The following CYTH1 variants were observed in gnomAD, a reference collection of about 807,000 sequenced individuals.
CYTH1 encodes the protein cytohesin-1.
In CYTH1, 18 loss-of-function variants were observed where a neutral mutation model predicts 61.8. The ratio of observed to expected loss-of-function variants is 0.29; its 90% confidence interval spans 0.20 to 0.43. CYTH1 has a LOEUF of 0.43. CYTH1 is among the 20% of genes least tolerant of loss of function. CYTH1 has a pLI of 1.00. For missense variants in CYTH1, 336 were observed against 510.5 expected, an observed-to-expected ratio of 0.66 and a Z score of 3.29; for synonymous variants, 174 against 184.3, an observed-to-expected ratio of 0.94 and a Z score of 0.45.
At chr17:78,736,451 C>G (rs1369458993) in intron 1 of CYTH1, among the ~76,000 whole-genome samples, 2 of 151,932 alleles carry the variant, frequency 1.3e-5, no homozygotes, top group Non-Finnish European at 2.9e-5. Flanking sequence ...CACACACACA[C>G]ATACACACAC....
At chr17:78,766,586 C>T (rs1363993480) in intron 1 of CYTH1, among the ~76,000 whole-genome samples, 2 of 152,116 alleles carry the variant, frequency 1.3e-5, no homozygotes, top group African/African-American at 4.8e-5. Context: ...CAAATTTCAA[C>T]CCTAAGATTA....
intron 9 of CYTH1, chr17:78,696,579 G>C (rs941498017): frequency 2.0e-5 from 3 of 152,632 alleles, no homozygotes; most frequent in African/African-American, 7.2e-5. Flanking sequence ...GTGATACTAA[G>C]TGTGCTACAA....
intron 1 of CYTH1, among the ~76,000 whole-genome samples, chr17:78,721,156 C>A (rs1042895421): frequency 1.3e-5 from 2 of 152,030 alleles, no homozygotes; most frequent in African/African-American, 4.8e-5. Flanking sequence ...GTGGTGAAAC[C>A]CTGTCTCTAC....
intron 11 of CYTH1, among the ~76,000 whole-genome samples, chr17:78,686,765 TTTAAG>T (rs946630170): frequency 2.0e-5 from 3 of 152,160 alleles, no homozygotes; most frequent in African/African-American, 7.2e-5. Context: ...ATTACATTTT[TTTAAG>T]TTAATTAATT....
chr17:78,782,059 T>G, intron 1 of CYTH1, 143 bp downstream of exon 1: 1 of 660,210 alleles, frequency 1.5e-6, no homozygotes, highest in Non-Finnish European at 2.0e-6. Flanking sequence ...CGCGCACCGC[T>G]CGCCCGCCGG....
In CYTH1 at chr17:78,741,359, A is replaced by G. The variant is rs542248641; in HGVS notation, c.23-31627T>C. Reference sequence around the variant, plus strand: ...AGACCAACCTGGGCAACAAAGCAAGATCCTATTTCTACAAAAAAATTAAAT... The same window carrying G: ...AGACCAACCTGGGCAACAAAGCAAGGTCCTATTTCTACAAAAAAATTAAAT... On this transcript the variant is annotated intron_variant, in intron 1 of 13. Transcript: ENST00000446868. Among the ~76,000 whole-genome samples the G allele has an allele frequency of 7.8e-4, 119 of 152,320 alleles. 1 individual carries two copies. The highest frequency in any genetic ancestry group is 1.5e-3 in the Non-Finnish European group (99 of 68,034).
In CYTH1 at chr17:78,774,817, G is replaced by T. The variant is rs144226703; in HGVS notation, c.22+7385C>A. On this transcript the variant is annotated intron_variant, in intron 1 of 13. Transcript: ENST00000446868. ...TATCCAGAGTCTTTGGTCACAAACC[G>T]TAATACATACATGTGAAATGTTCCC... Among the ~76,000 whole-genome samples the T allele has an allele frequency of 3.6e-3, 546 of 152,228 alleles. 1 individual carries two copies. Among genetic ancestry groups the T allele is most frequent in the Non-Finnish European group, 6.9e-3 (468 of 68,018 alleles).
At chr17:78,695,364 T>C (rs569027469) in intron 10 of CYTH1, among the ~76,000 whole-genome samples, 3 of 151,892 alleles carry the variant, frequency 2.0e-5, no homozygotes, top group African/African-American at 7.2e-5. Flanking sequence ...TCAGGGAGGG[T>C]TTTTTGGTTT....
chr17:78,770,043 G>A (rs1447459746), intron 1 of CYTH1, among the ~76,000 whole-genome samples: 8 of 151,938 alleles, frequency 5.3e-5, no homozygotes, highest in South Asian at 2.1e-4. Flanking sequence ...CTAGTTACTC[G>A]GGAAGCTGAG....
rs1289937351 is a variant in CYTH1 at position 78,770,319 on chromosome 17, C to T, written c.22+11883G>A. 9.6e-4 allele frequency among the ~76,000 whole-genome samples: 94 copies of T among 98,106 alleles called. 1 individual carries two copies. The highest frequency in any genetic ancestry group is 2.6e-4 in the Non-Finnish European group (13 of 50,462). 64.4% of individuals were successfully genotyped at this position (98,106 alleles called of 152,430 possible). A position where few individuals can be genotyped will look rare whatever the true frequency, so the allele number is the denominator to read the frequency against. On this transcript the variant is annotated intron_variant, in intron 1 of 13. Transcript: ENST00000446868. Reference sequence around the variant, plus strand: ...GCCTGGGCAACAAGAGCAAAATTCCCATCTCCAAAAAAAAAAAAAAGAAAA... The same window carrying T: ...GCCTGGGCAACAAGAGCAAAATTCCTATCTCCAAAAAAAAAAAAAAGAAAA...
chr17:78,691,081 T>C (rs1354801096), intron 11 of CYTH1, among the ~76,000 whole-genome samples: 1 of 152,218 alleles, frequency 6.6e-6, no homozygotes, highest in Non-Finnish European at 1.5e-5. Context: ...TTTTTATTAT[T>C]TTGCAGATAT....
intron 5 of CYTH1, 22 bp downstream of exon 5, chr17:78,702,100 C>T (rs201695858): frequency 1.0e-5 from 16 of 1,553,234 alleles, no homozygotes; most frequent in African/African-American, 2.7e-5. Flanking sequence ...CCCTAGCATG[C>T]GCATAATCCC....
chr17:78,679,392 C>T (rs1160051980), intron 13 of CYTH1, among the ~76,000 whole-genome samples: 2 of 150,058 alleles, frequency 1.3e-5, no homozygotes, highest in Non-Finnish European at 3.0e-5. Context: ...ATGCTCACTG[C>T]TGACCCTCGC....
intron 1 of CYTH1, among the ~76,000 whole-genome samples, chr17:78,718,693 T>C (rs1264715208): frequency 6.6e-6 from 1 of 152,214 alleles, no homozygotes; most frequent in African/African-American, 2.4e-5. Context: ...AACTCAGGCT[T>C]TGGAGACATA....
chr17:78,727,540 A>C (rs2093272891), intron 1 of CYTH1: 1 of 367,426 alleles, frequency 2.7e-6, no homozygotes, highest in African/African-American at 2.1e-5. Flanking sequence ...CCCTTACCAG[A>C]GTTGCCCCGA....
intron 1 of CYTH1, among the ~76,000 whole-genome samples, chr17:78,710,133 T>C (rs996662050): frequency 2.5e-4 from 38 of 152,062 alleles, no homozygotes; most frequent in African/African-American, 8.7e-4. Flanking sequence ...GTCTCCGAGA[T>C]GGAAAGATGT....
At chr17:78,726,990 T>C (rs1280724049) in intron 1 of CYTH1, among the ~76,000 whole-genome samples, 1 of 152,194 alleles carries the variant, frequency 6.6e-6, no homozygotes, top group East Asian at 1.9e-4. Context: ...TCCAGTTCTC[T>C]CTCTCAGGCT....
chr17:78,761,394 G>A (rs912521741), intron 1 of CYTH1, among the ~76,000 whole-genome samples: 2 of 152,074 alleles, frequency 1.3e-5, no homozygotes, highest in Non-Finnish European at 1.5e-5. Flanking sequence ...GATAATACAG[G>A]GAACTAAAAG....
intron 1 of CYTH1, among the ~76,000 whole-genome samples, chr17:78,737,740 A>C (rs1383440598): frequency 6.6e-6 from 1 of 152,170 alleles, no homozygotes; most frequent in Admixed American, 6.5e-5. Context: ...TCATTGTTGA[A>C]GATTAGAAAA....
Sources: allele counts gnomAD v4.1 joint callset (sites outside exome capture counted in the v4.1 genomes callset), GRCh38; gene constraint gnomAD v4.1.1; transcripts MANE v1.5; gene names NCBI Gene and HGNC (gene_info 2026-07-23, HGNC 2026-07-21).